The following RUNX2 variants were observed in gnomAD, a reference collection of about 807,000 sequenced individuals.
The protein encoded by RUNX2 is RUNX family transcription factor 2.
In RUNX2, 10 loss-of-function variants were observed where a neutral mutation model predicts 51.7. The ratio of observed to expected loss-of-function variants is 0.19; its 90% CI spans 0.12 to 0.33. RUNX2 has a LOEUF of 0.33. RUNX2 is among the 10% of genes least tolerant of loss of function. RUNX2 has a pLI of 1.00. For missense variants in RUNX2, 562 were observed against 691.3 expected, an observed-to-expected ratio of 0.81 and a Z score of 2.10; for synonymous variants, 276 against 273.6, an observed-to-expected ratio of 1.01 and a Z score of -0.09.
intron 8 of RUNX2, 148 bp from the exon 9 acceptor site, chr6:45,546,679 T>C (rs1802410517): frequency 1.4e-6 from 1 of 695,546 alleles, no homozygotes; most frequent in Non-Finnish European, 2.5e-6. Context: ...GACTGTAAAG[T>C]GACTGGTGCA....
At chr6:45,486,740 G>A (rs1800294061) in intron 5 of RUNX2, among the ~76,000 whole-genome samples, 1 of 152,176 alleles carries the variant, frequency 6.6e-6, no homozygotes, top group South Asian at 2.1e-4. Context: ...ATATAATACA[G>A]AGAATGTAAG....
At chr6:45,413,047 G>A (rs763129784) in intron 2 of RUNX2, among the ~76,000 whole-genome samples, 2 of 152,076 alleles carry the variant, frequency 1.3e-5, no homozygotes, top group Non-Finnish European at 2.9e-5. Flanking sequence ...CACTAGGCCT[G>A]GCGGGAACTG....
chr6:45,496,031 C>G (rs1800634474), intron 6 of RUNX2, among the ~76,000 whole-genome samples: 3 of 152,134 alleles, frequency 2.0e-5, no homozygotes, highest in South Asian at 2.1e-4. Flanking sequence ...GTTGCTTCCT[C>G]TAGACCTCTT....
chr6:45,519,157 G>A (rs1007413624), intron 7 of RUNX2, among the ~76,000 whole-genome samples: 2 of 152,064 alleles, frequency 1.3e-5, no homozygotes, highest in African/African-American at 4.8e-5. Context: ...GGAAAAAGGA[G>A]GTCGCATAAT....
At chr6:45,521,919 A>G (rs1340079537) in intron 7 of RUNX2, among the ~76,000 whole-genome samples, 3 of 151,962 alleles carry the variant, frequency 2.0e-5, no homozygotes, top group Non-Finnish European at 4.4e-5. Flanking sequence ...CTTATTTGCC[A>G]CTTCTGTCAA....
At chr6:45,369,811 C>A in intron 2 of RUNX2, among the ~76,000 whole-genome samples, 1 of 152,086 alleles carries the variant, frequency 6.6e-6, no homozygotes. Flanking sequence ...GAGGAAATAA[C>A]AAATACTATG....
chr6:45,454,835 C>A (rs115756036), intron 5 of RUNX2, among the ~76,000 whole-genome samples: 1 of 152,126 alleles, frequency 6.6e-6, no homozygotes, highest in Non-Finnish European at 1.5e-5. Context: ...AGTCTCAGGC[C>A]GGGCATGCTG....
chr6:45,485,174 C>A (rs1053558676), intron 5 of RUNX2, among the ~76,000 whole-genome samples: 4 of 151,076 alleles, frequency 2.6e-5, no homozygotes, highest in Non-Finnish European at 5.9e-5. Context: ...CTGTCTTTTT[C>A]CTTTCTTTTC....
intron 7 of RUNX2, among the ~76,000 whole-genome samples, chr6:45,524,574 C>T (rs764325649): frequency 2.6e-5 from 4 of 152,128 alleles, no homozygotes; most frequent in Non-Finnish European, 5.9e-5. Flanking sequence ...CACACCCTGA[C>T]CTGTGCCAAG....
At chr6:45,356,253 G>C (rs1050533378) in intron 2 of RUNX2, among the ~76,000 whole-genome samples, 4 of 151,396 alleles carry the variant, frequency 2.6e-5, no homozygotes, top group Non-Finnish European at 5.9e-5. Flanking sequence ...GTCCAAAAAA[G>C]ATATATTTGC....
At chr6:45,437,008 G>C (rs1017466792) in intron 4 of RUNX2, among the ~76,000 whole-genome samples, 4 of 152,278 alleles carry the variant, frequency 2.6e-5, no homozygotes, top group African/African-American at 9.6e-5. Context: ...TTGCAGTTTT[G>C]ACTATCTGAC....
intron 5 of RUNX2, among the ~76,000 whole-genome samples, chr6:45,491,618 G>GTTT (rs1476747280): frequency 9.7e-4 from 102 of 105,234 alleles, no homozygotes; most frequent in Non-Finnish European, 1.7e-3. Flanking sequence ...CATCTCTCCT[G>GTTT]TTTGTTTTTT....
In RUNX2 at chr6:45,460,659, T is replaced by C. The variant is rs375826109; in HGVS notation, c.685+22608T>C. 1.3e-4 allele frequency among the ~76,000 whole-genome samples: 20 copies of C among 152,148 alleles called. 1 individual carries two copies. Among genetic ancestry groups the C allele is most frequent in the African/African-American group, 4.8e-4 (20 of 41,512 alleles). The stretch of plus-strand genomic sequence containing the variant: ...CTGTAGTCCCATCTACTTGGGAGGC[T>C]GAGGCAGGAGGATCACTTGAGGCCA... On this transcript the variant is annotated intron_variant, in intron 5 of 8. Coordinates refer to ENST00000647337, the MANE Select transcript of RUNX2 (RefSeq NM_001024630.4).
intron 4 of RUNX2, among the ~76,000 whole-genome samples, chr6:45,433,676 C>T (rs1055843491): frequency 2.6e-5 from 4 of 151,980 alleles, no homozygotes; most frequent in Non-Finnish European, 2.9e-5. Flanking sequence ...ACTTTGTAAA[C>T]CCTCAACATA....
intron 7 of RUNX2, among the ~76,000 whole-genome samples, chr6:45,540,405 T>C (rs1268155082): frequency 6.6e-6 from 1 of 152,118 alleles, no homozygotes; most frequent in East Asian, 1.9e-4. Context: ...CCTCTATGTT[T>C]TCCTCTGCAC....
chr6:45,377,863 A>T (rs898046557), intron 2 of RUNX2: 1 of 153,464 alleles, frequency 6.5e-6, no homozygotes, highest in Non-Finnish European at 1.4e-5. Flanking sequence ...GGCCCGGGAC[A>T]CGCTTGGAAA....
chr6:45,440,739 G>A (rs920599897), intron 5 of RUNX2, among the ~76,000 whole-genome samples: 8 of 151,966 alleles, frequency 5.3e-5, no homozygotes, highest in Admixed American at 5.2e-4. Context: ...ATTCATGTAT[G>A]TTTCATATAC....
intron 2 of RUNX2, among the ~76,000 whole-genome samples, chr6:45,348,983 C>G (rs542485022): frequency 6.6e-6 from 1 of 152,238 alleles, no homozygotes; most frequent in South Asian, 2.1e-4. Context: ...TGGCACACCA[C>G]ATGTACTTAG....
At chr6:45,479,201 A>G (rs1800041980) in intron 5 of RUNX2, among the ~76,000 whole-genome samples, 1 of 152,234 alleles carries the variant, frequency 6.6e-6, no homozygotes, top group Admixed American at 6.5e-5. Flanking sequence ...GACCCAGAAG[A>G]GAAAGAATTA....
Sources: allele counts gnomAD v4.1 joint callset (sites outside exome capture counted in the v4.1 genomes callset), GRCh38; gene constraint gnomAD v4.1.1; transcripts MANE v1.5; gene names NCBI Gene and HGNC (gene_info 2026-07-23, HGNC 2026-07-21).